HOOK2: variants seen among roughly 807,000 people sequenced by gnomAD.
HOOK2 encodes the protein protein Hook homolog 2.
Under a neutral mutation model 111.9 loss-of-function variants are expected in HOOK2, and 108 were observed. The observed-to-expected ratio is 0.96, with a 90% CI of 0.83 to 1.13. The LOEUF (loss-of-function observed/expected upper bound fraction) is 1.13, where lower values mean the gene tolerates loss of function less well. HOOK2 is among the 50% of genes most tolerant of loss of function. HOOK2 has a pLI of 0.00. For synonymous variants in HOOK2, 405 were observed against 394.3 expected (o/e 1.03, Z -0.32); for missense variants, 978 against 951.3 (o/e 1.03, Z -0.37).
intron 3 of HOOK2, among the ~76,000 whole-genome samples, chr19:12,789,388 G>T (rs1224814592): frequency 6.6e-6 from 1 of 151,968 alleles, no homozygotes; most frequent in Non-Finnish European, 1.5e-5. Context: ...AGATTTTCAG[G>T]TCTTCTCTGA....
chr19:12,792,048 C>A, intron 3 of HOOK2: 1 of 1,610,776 alleles, frequency 6.2e-7, no homozygotes, highest in Non-Finnish European at 8.5e-7. Context: ...CCTGATTGTC[C>A]CCAACAGCAA....
At chr19:12,772,742 C>G in intron 5 of HOOK2, 38 bp downstream of exon 5, 1 of 1,613,482 alleles carries the variant, frequency 6.2e-7, no homozygotes, top group Non-Finnish European at 8.5e-7. Context: ...GGAGGATTTC[C>G]TCAGGCCAGC....
chr19:12,782,935 CGT>C (rs1322818299), upstream of HOOK2, among the ~76,000 whole-genome samples: 7 of 151,708 alleles, frequency 4.6e-5, no homozygotes, highest in Non-Finnish European at 7.4e-5. Context: ...TAGCCAGGCG[CGT>C]GTTTCCTTTC....
chr19:12,774,985 C>A (rs1297838394), intron 1 of HOOK2, 88 bp from the exon 2 acceptor site: 6 of 1,319,056 alleles, frequency 4.5e-6, no homozygotes, highest in East Asian at 5.0e-5. Context: ...AGTCAGCGAA[C>A]CTCACATGGT....
chr19:12,776,102 C>G (rs1968501238), upstream of HOOK2, among the ~76,000 whole-genome samples: 1 of 150,176 alleles, frequency 6.7e-6, no homozygotes, highest in Admixed American at 6.6e-5. Context: ...TGGTCTCGAT[C>G]TCCTGACCTC....
chr19:12,781,708 CAG>C (rs1968604357), upstream of HOOK2, among the ~76,000 whole-genome samples: 1 of 152,156 alleles, frequency 6.6e-6, no homozygotes, highest in South Asian at 2.1e-4. Context: ...TTTGTGGTAA[CAG>C]GGGTCATGCG....
rs1455772680 is a variant in HOOK2, at chr19:12,768,052, G to C, written c.1176C>G (p.Asn392Lys). The C allele has an allele frequency of 2.5e-6, 4 of 1,614,222 alleles. No individual in the cohort carries two copies. The highest frequency in any genetic ancestry group is 1.1e-5 in the South Asian group (1 of 91,092). The change falls in exon 12 of 23, where the codon AAC becomes AAG. Residue 392 changes from asparagine to lysine, a missense_variant. Around this residue, in one of 5 missense-constraint regions of HOOK2, gnomAD observed 388 missense variants for 358.3 expected, o/e 1.08. Coordinates refer to ENST00000397668, the MANE Select transcript of HOOK2 (RefSeq NM_013312.3). ...TCACCGACTCATACTTTTCCTCCAGGTTGCGGCATTCAAATAGCCATTTCT... is the reference window on the plus strand; with the variant it reads ...TCACCGACTCATACTTTTCCTCCAGCTTGCGGCATTCAAATAGCCATTTCT... ...KAEKWLFECR[N>K]LEEKYESVTK...
chr19:12,766,255 G>A lies in HOOK2; in HGVS notation c.1374-15C>T, dbSNP rs780815443. The stretch of plus-strand genomic sequence containing the variant: ...GGAGCGTCTCCCTGCAGACCCGGGA[G>A]GAGAGAGCAGGGCCAGGGTCGAGTC... On this transcript the variant is annotated splice_polypyrimidine_tract_variant and intron_variant, in intron 14 of 22. Transcript: ENST00000397668. 5.9e-5 allele frequency: 91 copies of A among 1,549,734 alleles called. No homozygotes were observed. The Admixed American group carries it at 8.3e-4, about 14-fold the overall frequency.
chr19:12,769,947 TCG>T lies in HOOK2; in HGVS notation c.1036_1037del (p.Arg346ThrfsTer5). ...ERNAGHAERT[R>X]QLEDELRRAG... The stretch of plus-strand genomic sequence containing the variant: ...CTCGGCGTAGCTCATCCTCCAGTTG[TCG>T]CGTGCGCTCGGCGTGGCCGGCGTTG... On this transcript the variant is annotated frameshift_variant, in exon 11 of 23. Coordinates refer to ENST00000397668, the MANE Select transcript of HOOK2 (RefSeq NM_013312.3). LOFTEE classifies it high-confidence loss of function. 1 of 1,556,812 alleles carries T rather than the reference TCG, an allele frequency of 6.4e-7. No homozygotes were observed. Among genetic ancestry groups the T allele is most frequent in the Non-Finnish European group, 8.6e-7 (1 of 1,158,584 alleles).
At chr19:12,768,773 CTCTTTT>C (rs1186960340) in intron 11 of HOOK2, among the ~76,000 whole-genome samples, 2 of 150,428 alleles carry the variant, frequency 1.3e-5, no homozygotes, top group Non-Finnish European at 3.0e-5. Context: ...ACGCCCAGCT[CTCTTTT>C]TCTTTTTCTT....
upstream of HOOK2, among the ~76,000 whole-genome samples, chr19:12,777,321 T>TA (rs1968545389): frequency 6.8e-6 from 1 of 146,184 alleles, no homozygotes; most frequent in African/African-American, 2.5e-5. Flanking sequence ...AAAAATAAAA[T>TA]AAAAAATAAA....
At chr19:12,785,036 A>G (rs1241666109) in intron 3 of HOOK2, 3 of 152,246 alleles carry the variant, frequency 2.0e-5, no homozygotes, top group African/African-American at 7.3e-5. Flanking sequence ...TGACACATTC[A>G]CAGACATGGT....
intron 3 of HOOK2, among the ~76,000 whole-genome samples, chr19:12,773,531 G>T (rs533441721): frequency 6.6e-6 from 1 of 152,204 alleles, no homozygotes; most frequent in South Asian, 2.1e-4. Flanking sequence ...ACAGGCATGA[G>T]CCACTGTGCC....
upstream of HOOK2, among the ~76,000 whole-genome samples, chr19:12,781,408 G>C (rs1209562266): frequency 6.7e-6 from 1 of 149,514 alleles, no homozygotes; most frequent in Non-Finnish European, 1.5e-5. Flanking sequence ...CTCACTGCAA[G>C]CTCCGCCTCC....
rs1968662358 is a variant in HOOK2, at chr19:12,786,821, C to T, written n.42-12596G>A. Reference sequence around the variant, plus strand: ...CCCTACTCCCACATGCTGGCCTGTCCACAGAGACCCGTGCCCCTCTGTCTG... The same window carrying T: ...CCCTACTCCCACATGCTGGCCTGTCTACAGAGACCCGTGCCCCTCTGTCTG... On this transcript the variant is annotated intron_variant and non_coding_transcript_variant, in intron 3 of 3. Coordinates refer to the HOOK2 transcript ENST00000589765. The surrounding 1 kb of genome is among the most constrained non-coding windows in gnomAD (Gnocchi z 4.3). Among the ~76,000 whole-genome samples the T allele has an allele frequency of 6.6e-6, 1 of 152,186 alleles. No homozygotes were observed. Among genetic ancestry groups the T allele is most frequent in the African/African-American group, 2.4e-5 (1 of 41,454 alleles).
In HOOK2 at chr19:12,768,031, C is replaced by A; in HGVS notation, c.1197G>T (p.Ser399=). The change falls in exon 12 of 23, where the codon TCG becomes TCT. Residue 399 remains serine (S), a synonymous_variant. Coordinates refer to ENST00000397668, the MANE Select transcript of HOOK2 (RefSeq NM_013312.3). ...ECRNLEEKYE[S]VTKEKERLLA... is the part of the protein sequence containing the mutation. ...GCCTCACCTCCTTCTCCTTTGTCAC[C>A]GACTCATACTTTTCCTCCAGGTTGC... 6.2e-7 allele frequency: 1 copy of A among 1,614,194 alleles called. No homozygotes were observed. Among genetic ancestry groups the A allele is most frequent in the Non-Finnish European group, 8.5e-7 (1 of 1,180,008 alleles).
chr19:12,769,370 G>A (rs115827127), intron 11 of HOOK2, among the ~76,000 whole-genome samples: 6,540 of 151,248 alleles, frequency 0.043, 157 homozygotes, highest in African/African-American at 0.054. Context: ...GTTATGGGGT[G>A]CCCGCCTTGG....
chr19:12,789,359 T>G (rs565812423), intron 3 of HOOK2, among the ~76,000 whole-genome samples: 1 of 152,098 alleles, frequency 6.6e-6, no homozygotes, highest in African/African-American at 2.4e-5. Flanking sequence ...GGCTCTGGGT[T>G]CCCTCATATT....
intron 3 of HOOK2, among the ~76,000 whole-genome samples, chr19:12,773,790 C>T (rs1160871251): frequency 6.6e-6 from 1 of 152,224 alleles, no homozygotes; most frequent in Admixed American, 6.5e-5. Context: ...TTCCACAGCA[C>T]TTAAAAATAG....
Sources: gnomAD v4.1 joint callset for allele counts (sites outside exome capture counted in the v4.1 genomes callset) on GRCh38, gnomAD v4.1.1 for gene constraint, gnomAD v4.1.1 regional missense constraint, Gnocchi (gnomAD v3.1) non-coding constraint, MANE v1.5 for transcripts, NCBI Gene and HGNC (gene_info 2026-07-23, HGNC 2026-07-21) for gene names.